Variants in ZNF577 observed in about 807,000 individuals in gnomAD.
ZNF577 encodes the protein zinc finger protein 577.
A neutral mutation model predicts 13.9 loss-of-function variants in ZNF577; 14 were observed. The observed-to-expected ratio is 1.00, with a 90% CI of 0.66 to 1.57. The LOEUF (loss-of-function observed/expected upper bound fraction) is 1.57. Among genes scored for constraint, ZNF577 ranks in the 40% most tolerant of loss-of-function variants. The probability of loss-of-function intolerance (pLI) is 0.00; values close to 1 mark genes in which losing one functional copy is unlikely to be tolerated. For missense variants in ZNF577, 555 were observed against 579.2 expected (o/e 0.96, Z 0.43); for synonymous variants, 203 against 202.9 (o/e 1.00, Z 0.00).
In ZNF577 at chr19:51,871,957, T is replaced by G. The variant is rs2084666104; in HGVS notation, c.*575A>C. ...TTTTGTGTTGTTTTAAGCCATTAAA[T>G]TTGTGTTAGTTTGGTGCAACACTCA... is the stretch of plus-strand genomic sequence containing the variant. On this transcript the variant is annotated 3_prime_UTR_variant, in exon 6 of 6. Coordinates refer to ENST00000638348, the MANE Select transcript of ZNF577 (RefSeq NM_001370449.1). 1 of 152,386 alleles carries G rather than the reference T, an allele frequency of 6.6e-6. No individual in the cohort carries two copies. The allele number at this position is 152,386 out of a possible 1,614,324, so 9.4% of individuals were successfully genotyped here.
At chr19:51,857,057 T>C (rs566845031) in intron 5 of ZNF577, among the ~76,000 whole-genome samples, 2 of 152,164 alleles carry the variant, frequency 1.3e-5, no homozygotes, top group South Asian at 2.1e-4. Context: ...TCTCAGCACT[T>C]TGGGAGGCCG....
intron 5 of ZNF577, among the ~76,000 whole-genome samples, chr19:51,847,745 G>C (rs2084360188): frequency 6.6e-6 from 1 of 152,146 alleles, no homozygotes; most frequent in Non-Finnish European, 1.5e-5. Flanking sequence ...CCAAGTCACG[G>C]AATTCCCACA....
chr19:51,848,712 C>T (rs7251993), intron 5 of ZNF577, among the ~76,000 whole-genome samples: 63,189 of 151,980 alleles, frequency 0.42, 14,236 homozygotes, highest in African/African-American at 0.58. Context: ...GAGCACAACC[C>T]ACCCAGACAT....
intron 8 of ZNF577, among the ~76,000 whole-genome samples, chr19:51,842,142 T>C (rs1049107607): frequency 2.0e-5 from 3 of 152,142 alleles, no homozygotes; most frequent in African/African-American, 7.2e-5. Context: ...TTGTATCTAA[T>C]AGGCTGCAAA....
At position 51,852,933 on chromosome 19, in the gene ZNF577, C is replaced by CTTTTTTT. The variant is rs112665914; in HGVS notation, c.284-8009_284-8003dup. 4.9e-5 allele frequency among the ~76,000 whole-genome samples: 7 copies of CTTTTTTT among 144,038 alleles called. 1 individual carries two copies. The highest frequency in any genetic ancestry group is 7.8e-5 in the African/African-American group (3 of 38,628). 94.5% of individuals were successfully genotyped at this position (144,038 alleles called of 152,430 possible). ...GCTCTTTAAAAGACAGTTTTCTTTT[C>CTTTTTTT]TTTTTTTTTTTCTTTGAGACAGGGT... On this transcript the variant is annotated intron_variant and NMD_transcript_variant, in intron 5 of 10. Transcript: ENST00000638827.
At chr19:51,863,665 C>G (rs1235722408), downstream of ZNF577, among the ~76,000 whole-genome samples, 3 of 152,146 alleles carry the variant, frequency 2.0e-5, no homozygotes, top group East Asian at 5.8e-4. Flanking sequence ...TTTGGAACAT[C>G]TCATTAAATC....
In ZNF577 at chr19:51,852,572, CA is replaced by C. The variant is rs2084384261; in HGVS notation, c.284-7642del. Among the ~76,000 whole-genome samples the C allele has an allele frequency of 6.0e-5, 9 of 149,812 alleles. No individual in the cohort carries two copies. The South Asian group carries it at 2.0e-3, about 33-fold the overall frequency. The stretch of plus-strand genomic sequence containing the variant: ...ATTCCCTCACCGAGGAAGAAGGGAA[CA>C]GACAGGGCAGATTCTAGGTCTACCT... On this transcript the variant is annotated intron_variant and NMD_transcript_variant, in intron 5 of 10. Transcript: ENST00000638827.
chr19:51,852,109 C>A (rs2084381774), intron 5 of ZNF577, among the ~76,000 whole-genome samples: 1 of 152,220 alleles, frequency 6.6e-6, no homozygotes, highest in Non-Finnish European at 1.5e-5. Context: ...GCCTCTAGGG[C>A]TATTGCGCAG....
Position 51,870,043 on chromosome 19 carries a change from G to A in ZNF577, c.*2489C>T, listed in dbSNP as rs979878819. On this transcript the variant is annotated 3_prime_UTR_variant, in exon 6 of 6. Transcript: ENST00000638348. ...ATTGCCTCCTTCTGGTCCCTCCCTG[G>A]GAGGATTAACATCCTAGGGGCATTG... is the stretch of plus-strand genomic sequence containing the variant. Among the ~76,000 whole-genome samples, 1 of 152,156 alleles carries A rather than the reference G, an allele frequency of 6.6e-6. No homozygotes were observed. The highest frequency in any genetic ancestry group is 2.4e-5 in the African/African-American group (1 of 41,432).
intron 5 of ZNF577, among the ~76,000 whole-genome samples, chr19:51,846,974 A>G (rs994148274): frequency 2.6e-5 from 4 of 152,134 alleles, no homozygotes; most frequent in Non-Finnish European, 4.4e-5. Context: ...TACCTCACTC[A>G]ATCCTCAAAA....
intron 5 of ZNF577, among the ~76,000 whole-genome samples, chr19:51,853,573 T>A (rs558464860): frequency 1.0e-3 from 152 of 152,348 alleles, no homozygotes; most frequent in Non-Finnish European, 1.8e-3. Flanking sequence ...TAACGGCTGT[T>A]CAGCTTCAAG....
chr19:51,838,102 A>G (rs535979633), intron 9 of ZNF577, among the ~76,000 whole-genome samples: 1 of 152,360 alleles, frequency 6.6e-6, no homozygotes, highest in African/African-American at 2.4e-5. Context: ...GAGCTAAAAC[A>G]TGAGTGTTGT....
intron 10 of ZNF577, among the ~76,000 whole-genome samples, chr19:51,809,836 A>G (rs2084084583): frequency 6.6e-6 from 1 of 152,122 alleles, no homozygotes; most frequent in Non-Finnish European, 1.5e-5. Context: ...GAGGGAATCA[A>G]TGTGCCTCTG....
intron 1 of ZNF577, among the ~76,000 whole-genome samples, chr19:51,883,135 G>A (rs2084889298): frequency 2.6e-5 from 4 of 151,834 alleles, no homozygotes; most frequent in Admixed American, 2.6e-4. Context: ...TGGGATTACA[G>A]GTGCCCACCA....
chr19:51,886,584 T>C (rs1336561844), intron 1 of ZNF577: 2 of 152,156 alleles, frequency 1.3e-5, no homozygotes, highest in East Asian at 3.9e-4. Flanking sequence ...AAAGAAAATT[T>C]TAAAGAGAAA....
intron 9 of ZNF577, among the ~76,000 whole-genome samples, chr19:51,815,267 A>AT (rs2084126949): frequency 6.6e-6 from 1 of 152,056 alleles, no homozygotes; most frequent in South Asian, 2.1e-4. Flanking sequence ...ATTGAGCTCT[A>AT]TAAAAAAATG....
At chr19:51,859,706 C>A (rs936207340) in intron 5 of ZNF577, among the ~76,000 whole-genome samples, 4 of 152,058 alleles carry the variant, frequency 2.6e-5, no homozygotes, top group Admixed American at 1.3e-4. Context: ...GTGGTATAAT[C>A]CTTTAGACTC....
intron 9 of ZNF577, among the ~76,000 whole-genome samples, chr19:51,817,407 G>GAT (rs1226167895): frequency 6.6e-6 from 1 of 151,948 alleles, no homozygotes; most frequent in Non-Finnish European, 1.5e-5. Flanking sequence ...GAGAGAGAGA[G>GAT]AAAATAGCCA....
intron 5 of ZNF577, among the ~76,000 whole-genome samples, chr19:51,859,604 C>T (rs1482537240): frequency 6.6e-6 from 1 of 152,002 alleles, no homozygotes; most frequent in Non-Finnish European, 1.5e-5. Flanking sequence ...AGTTATAAGG[C>T]TCTAGAAAAA....
Sources: allele counts gnomAD v4.1 joint callset (sites outside exome capture counted in the v4.1 genomes callset), GRCh38; gene constraint gnomAD v4.1.1; transcripts MANE v1.5; gene names NCBI Gene and HGNC (gene_info 2026-07-23, HGNC 2026-07-21).